Variants in TOX observed in about 807,000 individuals in gnomAD.
The protein encoded by TOX is thymocyte selection associated high mobility group box.
In TOX, 11 loss-of-function variants were observed where a neutral mutation model predicts 53.7. The observed-to-expected ratio is 0.20, with a 90% CI of 0.13 to 0.34. The LOEUF (loss-of-function observed/expected upper bound fraction) is 0.34. Among genes scored for constraint, TOX ranks in the 10% least tolerant of loss-of-function variants. The probability of loss-of-function intolerance (pLI) is 1.00; values close to 1 mark genes in which losing one functional copy is unlikely to be tolerated. For synonymous variants in TOX, 225 were observed against 245.3 expected (o/e 0.92, Z 0.77); for missense variants, 570 against 664.6 (o/e 0.86, Z 1.56).
intron 6 of TOX, among the ~76,000 whole-genome samples, chr8:58,822,242 T>G (rs901193066): frequency 6.6e-6 from 1 of 152,250 alleles, no homozygotes; most frequent in African/African-American, 2.4e-5. Context: ...CTATGTCTAA[T>G]GCCAATGTGG....
intron 2 of TOX, among the ~76,000 whole-genome samples, chr8:58,942,053 C>CAAAAAAA (rs35861451): frequency 9.4e-6 from 1 of 106,370 alleles, no homozygotes. Context: ...GACTCTGTCT[C>CAAAAAAA]AAAAAAAAAA....
At chr8:58,984,447 C>T (rs576506107) in intron 1 of TOX, among the ~76,000 whole-genome samples, 1 of 152,268 alleles carries the variant, frequency 6.6e-6, no homozygotes, top group East Asian at 1.9e-4. Flanking sequence ...AAATAGAAAT[C>T]ATAACCACAA....
intron 3 of TOX, among the ~76,000 whole-genome samples, chr8:58,926,087 C>G (rs1812154939): frequency 1.3e-5 from 2 of 152,222 alleles, no homozygotes; most frequent in African/African-American, 4.8e-5. Flanking sequence ...GAAAACCTCA[C>G]AAAGTGCTCA....
At chr8:58,926,228 C>G (rs749556110) in intron 3 of TOX, among the ~76,000 whole-genome samples, 1 of 152,184 alleles carries the variant, frequency 6.6e-6, no homozygotes, top group Non-Finnish European at 1.5e-5. Context: ...GAGGCTGGGA[C>G]ATTCCCTAGG....
At chr8:59,041,963 T>A (rs745584630) in intron 1 of TOX, among the ~76,000 whole-genome samples, 1 of 152,242 alleles carries the variant, frequency 6.6e-6, no homozygotes. Flanking sequence ...TGCATTAATG[T>A]GCCCATAGAA....
At chr8:58,955,406 G>T (rs936149434) in intron 2 of TOX, among the ~76,000 whole-genome samples, 1 of 152,132 alleles carries the variant, frequency 6.6e-6, no homozygotes, top group African/African-American at 2.4e-5. Flanking sequence ...GGTGGGGAAG[G>T]AGGGAGGGAA....
At chr8:58,972,264 T>C (rs1182466862) in intron 1 of TOX, among the ~76,000 whole-genome samples, 1 of 152,200 alleles carries the variant, frequency 6.6e-6, no homozygotes, top group Non-Finnish European at 1.5e-5. Context: ...TATTTCAGAT[T>C]ACCTAGGGAA....
At chr8:58,914,753 C>T (rs963999208) in intron 3 of TOX, among the ~76,000 whole-genome samples, 1 of 133,658 alleles carries the variant, frequency 7.5e-6, no homozygotes, top group African/African-American at 2.5e-5. Context: ...GTGAGCGACG[C>T]AGAAGACGGG....
chr8:59,010,305 T>C (rs1813879382), intron 1 of TOX, among the ~76,000 whole-genome samples: 1 of 152,224 alleles, frequency 6.6e-6, no homozygotes, highest in Non-Finnish European at 1.5e-5. Flanking sequence ...GTAGTTCATA[T>C]TAGCAATTAT....
At chr8:58,928,072 C>T (rs13256007) in intron 3 of TOX, among the ~76,000 whole-genome samples, 12,614 of 152,262 alleles carry the variant, frequency 0.083, 632 homozygotes, top group South Asian at 0.19. Flanking sequence ...CTCATACTTT[C>T]GTCAAGTTTA....
chr8:59,104,169 A>G (rs1017853117), intron 1 of TOX, among the ~76,000 whole-genome samples: 2 of 152,214 alleles, frequency 1.3e-5, no homozygotes, highest in African/African-American at 4.8e-5. Flanking sequence ...GCCCACTGAC[A>G]ACAGCAATTT....
In TOX at chr8:59,113,877, A is replaced by G. The variant is rs1805060700; in HGVS notation, c.102+5009T>C. On this transcript the variant is annotated intron_variant, in intron 1 of 8. Coordinates refer to ENST00000361421, the MANE Select transcript of TOX (RefSeq NM_014729.3). ...CCCGCAGGGTCTTTTGAAGTTTCTAATGTCCTAGCAAAAGTTTAGAAAGCA... is the reference window on the plus strand; with the variant it reads ...CCCGCAGGGTCTTTTGAAGTTTCTAGTGTCCTAGCAAAAGTTTAGAAAGCA... Among the ~76,000 whole-genome samples the G allele has an allele frequency of 2.6e-5, 4 of 152,192 alleles. No homozygotes were observed. In the South Asian group the frequency reaches 8.3e-4, roughly 32 times the overall value.
intron 3 of TOX, among the ~76,000 whole-genome samples, chr8:58,924,590 G>T (rs1044431763): frequency 6.6e-6 from 1 of 152,226 alleles, no homozygotes; most frequent in African/African-American, 2.4e-5. Flanking sequence ...CCTGTGGAGG[G>T]CAGTCCTGTG....
chr8:58,809,329 C>G (rs994578325), intron 7 of TOX, among the ~76,000 whole-genome samples: 3 of 152,178 alleles, frequency 2.0e-5, no homozygotes, highest in Non-Finnish European at 4.4e-5. Context: ...AAGAACTCAG[C>G]AGGATGACAG....
intron 6 of TOX, among the ~76,000 whole-genome samples, chr8:58,823,840 A>G (rs1292772552): frequency 6.6e-6 from 1 of 152,224 alleles, no homozygotes; most frequent in African/African-American, 2.4e-5. Flanking sequence ...TGACTATGAC[A>G]TGGCCACAAA....
At chr8:59,021,463 C>CA (rs148800261) in intron 1 of TOX, among the ~76,000 whole-genome samples, 1,512 of 69,620 alleles carry the variant, frequency 0.022, 58 homozygotes, top group Non-Finnish European at 0.023. Context: ...TTTCTACAAG[C>CA]AAAAAAAAAA....
chr8:58,863,857 G>C (rs1811051786), intron 3 of TOX, among the ~76,000 whole-genome samples: 1 of 152,078 alleles, frequency 6.6e-6, no homozygotes, highest in Non-Finnish European at 1.5e-5. Context: ...TATAATACAA[G>C]TCAAAGGGGA....
intron 1 of TOX, among the ~76,000 whole-genome samples, chr8:59,021,481 A>AATATATATATATATAT (rs55755723): frequency 3.1e-5 from 2 of 64,740 alleles, no homozygotes; most frequent in Non-Finnish European, 6.2e-5. Context: ...AAAAAAAAAA[A>AATATATATATATATAT]ATATATATAT....
intron 3 of TOX, among the ~76,000 whole-genome samples, chr8:58,902,939 C>T (rs796854202): frequency 3.9e-5 from 6 of 152,300 alleles, no homozygotes; most frequent in African/African-American, 1.4e-4. Context: ...ATTACAAAGC[C>T]TTAGAATGAC....
Sources: gnomAD v4.1 joint callset for allele counts (sites outside exome capture counted in the v4.1 genomes callset) on GRCh38, gnomAD v4.1.1 for gene constraint, MANE v1.5 for transcripts, NCBI Gene and HGNC (gene_info 2026-07-23, HGNC 2026-07-21) for gene names.